SAMTOR: variants seen among roughly 807,000 people sequenced by gnomAD.
The protein encoded by SAMTOR is S-adenosylmethionine sensor upstream of mTORC1.
At chr7:112,860,371 A>G in the SAMTOR span, among the ~76,000 whole-genome samples, 1 of 151,920 alleles carries the variant, frequency 6.6e-6, no homozygotes, top group African/African-American at 2.4e-5. Context: ...CTAATACACA[A>G]CCCTACACAG....
the SAMTOR span, among the ~76,000 whole-genome samples, chr7:112,852,311 G>T: frequency 1.2e-4 from 18 of 152,092 alleles, no homozygotes; most frequent in African/African-American, 4.3e-4. Flanking sequence ...TTTTGCAGCA[G>T]TATGAATGGA....
the SAMTOR span, among the ~76,000 whole-genome samples, chr7:112,830,885 T>C: frequency 2.6e-5 from 4 of 152,058 alleles, no homozygotes; most frequent in African/African-American, 7.2e-5. Context: ...AAATACTTTT[T>C]TTTTTTTTTC....
At chr7:112,858,093 A>G in the SAMTOR span, among the ~76,000 whole-genome samples, 98 of 152,200 alleles carry the variant, frequency 6.4e-4, no homozygotes, top group Non-Finnish European at 1.1e-3. Context: ...TATTTAAGTC[A>G]GTATAAACAT....
chr7:112,869,831 G>A, the SAMTOR span, among the ~76,000 whole-genome samples: 1 of 152,036 alleles, frequency 6.6e-6, no homozygotes, highest in African/African-American at 2.4e-5. Flanking sequence ...AAATGATCCA[G>A]GAGTTGAAAG....
the SAMTOR span, among the ~76,000 whole-genome samples, chr7:112,846,626 A>C: frequency 4.6e-5 from 7 of 152,184 alleles, no homozygotes; most frequent in South Asian, 1.4e-3. Context: ...CTGTCAAATA[A>C]AAATCATTTT....
At chr7:112,847,295 G>A in the SAMTOR span, among the ~76,000 whole-genome samples, 1 of 152,132 alleles carries the variant, frequency 6.6e-6, no homozygotes. Context: ...GGTACAACAG[G>A]ATCTTTATTT....
the SAMTOR span, among the ~76,000 whole-genome samples, chr7:112,898,387 T>TAAAC: frequency 6.6e-6 from 1 of 151,944 alleles, no homozygotes; most frequent in East Asian, 1.9e-4. Flanking sequence ...CAGTACAGTG[T>TAAAC]AGAGACTTCT....
At chr7:112,832,454 TGG>T in the SAMTOR span, 1 of 680,936 alleles carries the variant, frequency 1.5e-6, no homozygotes. Context: ...CTCTCCTCAA[TGG>T]GTACACAGGA....
chr7:112,866,799 G>T, the SAMTOR span, among the ~76,000 whole-genome samples: 1 of 152,302 alleles, frequency 6.6e-6, no homozygotes, highest in East Asian at 1.9e-4. Context: ...ACTACATCTC[G>T]AAAGTGTTTA....
chr7:112,897,874 T>A, the SAMTOR span, among the ~76,000 whole-genome samples: 1 of 152,054 alleles, frequency 6.6e-6, no homozygotes, highest in Non-Finnish European at 1.5e-5. Context: ...AGTTAAGAGA[T>A]CACAGTTCCT....
At chr7:112,845,752 C>G in the SAMTOR span, among the ~76,000 whole-genome samples, 3 of 152,070 alleles carry the variant, frequency 2.0e-5, no homozygotes, top group Admixed American at 6.6e-5. Context: ...CAAAGGAATA[C>G]AAATCATTTT....
the SAMTOR span, among the ~76,000 whole-genome samples, chr7:112,913,871 T>A: frequency 2.0e-5 from 3 of 152,168 alleles, no homozygotes; most frequent in African/African-American, 7.2e-5. Flanking sequence ...ATTGTTTTAG[T>A]TTTCCTTGCT....
the SAMTOR span, among the ~76,000 whole-genome samples, chr7:112,906,588 G>C: frequency 6.2e-5 from 4 of 64,176 alleles, no homozygotes; most frequent in Non-Finnish European, 1.1e-4. Flanking sequence ...TTTTTTTTTT[G>C]AGACAGAGTC....
the SAMTOR span, among the ~76,000 whole-genome samples, chr7:112,869,205 C>T: frequency 6.6e-6 from 1 of 152,248 alleles, no homozygotes; most frequent in South Asian, 2.1e-4. Flanking sequence ...TGCACTGGGA[C>T]GAATGCGGCA....
the SAMTOR span, among the ~76,000 whole-genome samples, chr7:112,921,209 A>T: frequency 1.5e-4 from 23 of 152,370 alleles, 1 homozygote; most frequent in Admixed American, 7.8e-4. Flanking sequence ...CTACAAGGCT[A>T]CAGTAACCAA....
At chr7:112,903,370 A>T in the SAMTOR span, among the ~76,000 whole-genome samples, 1 of 151,688 alleles carries the variant, frequency 6.6e-6, no homozygotes, top group Non-Finnish European at 1.5e-5. Flanking sequence ...AAAATGATGA[A>T]TTTTTCTAGA....
At chr7:112,927,771 G>T in the SAMTOR span, among the ~76,000 whole-genome samples, 2 of 151,938 alleles carry the variant, frequency 1.3e-5, 1 homozygote, top group South Asian at 4.1e-4. Flanking sequence ...CAAAATTCTA[G>T]AACAAAGTTC....
chr7:112,939,837 G>A, the SAMTOR span: 16 of 1,060,738 alleles, frequency 1.5e-5, no homozygotes, highest in Admixed American at 1.5e-4. Flanking sequence ...AGGGAGCTGC[G>A]GAGGCAGCAG....
the SAMTOR span, among the ~76,000 whole-genome samples, chr7:112,903,639 A>G: frequency 3.7e-4 from 57 of 152,312 alleles, 1 homozygote; most frequent in Admixed American, 2.9e-3. Flanking sequence ...AATTTCTGTA[A>G]CTGACTCTCA....
Sources: allele counts gnomAD v4.1 joint callset (sites outside exome capture counted in the v4.1 genomes callset), GRCh38; gene constraint gnomAD v4.1.1; transcripts MANE v1.5; gene names NCBI Gene and HGNC (gene_info 2026-07-23, HGNC 2026-07-21).